Variants in KCTD2 observed in about 807,000 individuals in gnomAD.
KCTD2 encodes potassium channel tetramerization domain containing 2.
A neutral mutation model predicts 27.9 loss-of-function variants in KCTD2; 18 were observed. That is an observed-to-expected ratio of 0.64 (90% CI 0.45 to 0.96). The LOEUF (loss-of-function observed/expected upper bound fraction) is 0.96, where lower values mean the gene tolerates loss of function less well. Ranked by LOEUF, KCTD2 falls within the 40% of genes least tolerant of loss-of-function variation. KCTD2 has a pLI of 0.00. For missense variants in KCTD2, 280 were observed against 348.0 expected (o/e 0.80, Z 1.56); for synonymous variants, 175 against 148.4 (o/e 1.18, Z -1.30).
At chr17:75,042,620 T>C, upstream of KCTD2, 1 of 1,612,096 alleles carries the variant, frequency 6.2e-7, no homozygotes, top group Non-Finnish European at 8.5e-7. Flanking sequence ...ACCCAGTCAA[T>C]GGTTTTTAGA....
chr17:75,062,699 AACACACACACACACACACACACACAC>A (rs10533801), intron 5 of KCTD2, among the ~76,000 whole-genome samples: 5 of 116,072 alleles, frequency 4.3e-5, no homozygotes, highest in South Asian at 3.6e-4. Flanking sequence ...CCTCACCCCC[AACACACACACACACACACACACACAC>A]ACACACACAC....
intron 3 of KCTD2, chr17:75,038,982 C>T: frequency 6.2e-7 from 1 of 1,614,098 alleles, no homozygotes. Context: ...TTTTTCTTGT[C>T]TAATTTGGTT....
chr17:75,053,858 C>CTTATTTTT lies in KCTD2; in HGVS notation c.540+755_540+756insATTTTTTT, dbSNP rs2073319315. Among the ~76,000 whole-genome samples the CTTATTTTT allele has an allele frequency of 8.4e-5, 5 of 59,328 alleles. 1 individual carries two copies. Among genetic ancestry groups the CTTATTTTT allele is most frequent in the African/African-American group, 4.8e-4 (5 of 10,340 alleles). The allele number at this position is 59,328 out of a possible 152,430, so 38.9% of individuals were successfully genotyped here. Reference sequence around the variant, plus strand: ...CTTCAGCAGCTGCTTGTGAACCATGCTTTTTTTTTTTTTTTTTTTTTTTTT... The same window carrying CTTATTTTT: ...CTTCAGCAGCTGCTTGTGAACCATGCTTATTTTTTTTTTTTTTTTTTTTTTTTTTTTTT... On this transcript the variant is annotated intron_variant, in intron 3 of 5. Coordinates refer to ENST00000322444, the MANE Select transcript of KCTD2 (RefSeq NM_015353.3).
intron 2 of KCTD2, among the ~76,000 whole-genome samples, chr17:75,050,236 T>G (rs2073270542): frequency 6.6e-6 from 1 of 152,156 alleles, no homozygotes; most frequent in Non-Finnish European, 1.5e-5. Context: ...TTTTTTAATT[T>G]TTGTAAGTAC....
At chr17:75,033,347 G>T (rs2040081459) in intron 1 of KCTD2, among the ~76,000 whole-genome samples, 1 of 150,622 alleles carries the variant, frequency 6.6e-6, no homozygotes, top group Non-Finnish European at 1.5e-5. Context: ...TTAGAATTAG[G>T]GTGAAATATC....
intron 3 of KCTD2, among the ~76,000 whole-genome samples, chr17:75,054,208 G>T (rs906092106): frequency 9.3e-5 from 14 of 150,994 alleles, no homozygotes; most frequent in Non-Finnish European, 1.6e-4. Flanking sequence ...GGGTAGAAAC[G>T]AGCCTTGTTG....
At position 75,037,345 on chromosome 17, in the gene KCTD2, GAA is replaced by G. The variant is rs56310455; in HGVS notation, c.-259+2006_-259+2007del. ...GGCGACAAAGCAAGATTCCATATCAGAAAAAAAAAAAAAAAAAAAGAAATGGC... is the reference window on the plus strand; with the variant it reads ...GGCGACAAAGCAAGATTCCATATCAGAAAAAAAAAAAAAAAAAGAAATGGC... On this transcript the variant is annotated intron_variant, in intron 3 of 7. Transcript: ENST00000581589. 6.7e-4 allele frequency among the ~76,000 whole-genome samples: 57 copies of G among 84,692 alleles called. 1 individual carries two copies. The East Asian group carries it at 8.6e-3, about 13-fold the overall frequency. The allele number at this position is 84,692 out of a possible 152,430, so 55.6% of individuals were successfully genotyped here.
At position 75,060,990 on chromosome 17, in the gene KCTD2, G is replaced by A. The variant is rs556047371; in HGVS notation, c.637-1130G>A. On this transcript the variant is annotated intron_variant, in intron 4 of 5. Coordinates refer to ENST00000322444, the MANE Select transcript of KCTD2 (RefSeq NM_015353.3). ...TCTTACTGGGCATGGGTTGTAAAAC[G>A]TCGCCAAGAGTTTAATGCCCTCCAC... 4.6e-5 allele frequency among the ~76,000 whole-genome samples: 7 copies of A among 152,318 alleles called. No homozygotes were observed. In the South Asian group the frequency reaches 1.0e-3, roughly 23 times the overall value.
intron 4 of KCTD2, chr17:75,060,748 T>C (rs2073396858): frequency 1.5e-6 from 1 of 668,194 alleles, no homozygotes; most frequent in Non-Finnish European, 2.4e-6. Context: ...TAAATATGAT[T>C]TTATACGGAT....
chr17:75,044,637 C>T (rs2073194894), upstream of KCTD2, among the ~76,000 whole-genome samples: 1 of 152,038 alleles, frequency 6.6e-6, no homozygotes, highest in African/African-American at 2.4e-5. Context: ...CCACCGCGCC[C>T]GGCCTGCATT....
chr17:75,048,179 G>A (rs1415859197), intron 1 of KCTD2, among the ~76,000 whole-genome samples: 8 of 152,112 alleles, frequency 5.3e-5, no homozygotes, highest in Admixed American at 4.6e-4. Flanking sequence ...TTGGAAAGAG[G>A]TTACTGTTTG....
At chr17:75,052,361 G>A (rs1421044074) in intron 2 of KCTD2, among the ~76,000 whole-genome samples, 7 of 152,186 alleles carry the variant, frequency 4.6e-5, no homozygotes, top group South Asian at 2.1e-4. Flanking sequence ...CAAGGTGGGC[G>A]GATCACTTGA....
upstream of KCTD2, chr17:75,047,091 C>T (rs182921567): frequency 8.1e-3 from 2,258 of 277,398 alleles, 18 homozygotes; most frequent in Non-Finnish European, 0.011. Flanking sequence ...GGGGCGGGCA[C>T]AGCGCCTCCC....
In KCTD2 at chr17:75,063,014, T is replaced by C. The variant is rs772733244; in HGVS notation, c.763-4T>C. 5 of 1,613,840 alleles carry C rather than the reference T, an allele frequency of 3.1e-6. No homozygotes were observed. In the East Asian group the frequency reaches 8.9e-5, roughly 29 times the overall value. On this transcript the variant is annotated splice_region_variant and splice_polypyrimidine_tract_variant and intron_variant, in intron 5 of 5. Coordinates refer to ENST00000322444, the MANE Select transcript of KCTD2 (RefSeq NM_015353.3). Reference sequence around the variant, plus strand: ...TCAGCCTCTCCCCCATCTCCAACTTTCAGATTCTTCAGGAGAGAGGATCGC... The same window carrying C: ...TCAGCCTCTCCCCCATCTCCAACTTCCAGATTCTTCAGGAGAGAGGATCGC...
chr17:75,062,369 CCCT>C (rs1555642342), intron 5 of KCTD2, 124 bp downstream of exon 5: 1 of 905,444 alleles, frequency 1.1e-6, no homozygotes, highest in Non-Finnish European at 1.6e-6. Flanking sequence ...TTGCATTTTC[CCCT>C]CGTTTTGTTA....
intron 3 of KCTD2, among the ~76,000 whole-genome samples, chr17:75,056,925 T>C (rs2073355222): frequency 6.6e-6 from 1 of 151,028 alleles, no homozygotes; most frequent in Non-Finnish European, 1.5e-5. Flanking sequence ...CTAACTACTT[T>C]CCTCTGTTTC....
intron 2 of KCTD2, among the ~76,000 whole-genome samples, chr17:75,034,326 G>A (rs923097890): frequency 6.6e-6 from 1 of 152,116 alleles, no homozygotes; most frequent in African/African-American, 2.4e-5. Context: ...AAGGCGAGGG[G>A]CGCAAACAGG....
At chr17:75,039,632 C>A (rs1470396906) in intron 3 of KCTD2, 14 of 290,742 alleles carry the variant, frequency 4.8e-5, no homozygotes. Flanking sequence ...CCATAGTTGG[C>A]CTTCAGTGCT....
chr17:75,041,690 G>A (rs2073162541), intron 3 of KCTD2: 1 of 152,702 alleles, frequency 6.5e-6, no homozygotes, highest in Admixed American at 6.5e-5. Context: ...AGACAGGAAG[G>A]AAGCTAAAAG....
Sources: gnomAD v4.1 joint callset for allele counts (sites outside exome capture counted in the v4.1 genomes callset) on GRCh38, gnomAD v4.1.1 for gene constraint, MANE v1.5 for transcripts, NCBI Gene and HGNC (gene_info 2026-07-23, HGNC 2026-07-21) for gene names.